The following WDR19 variants were observed in gnomAD, a reference collection of about 807,000 sequenced individuals.
WDR19 encodes WD repeat domain 19.
WDR19 carries 121 observed loss-of-function variants against 180.0 expected under a neutral mutation model. The ratio of observed to expected loss-of-function variants is 0.67; its 90% CI spans 0.58 to 0.78. The LOEUF is 0.78. Ranked by LOEUF, WDR19 falls within the 30% of genes least tolerant of loss-of-function variation. The probability of loss-of-function intolerance (pLI) is 0.00; values close to 1 mark genes in which losing one functional copy is unlikely to be tolerated. For missense variants in WDR19, 1,450 were observed against 1,640.7 expected (o/e 0.88, Z 2.01); for synonymous variants, 497 against 540.7 (o/e 0.92, Z 1.12).
intron 23 of WDR19, among the ~76,000 whole-genome samples, chr4:39,244,938 CTTT>C (rs72240523): frequency 2.6e-5 from 3 of 115,314 alleles, no homozygotes; most frequent in Non-Finnish European, 5.3e-5. Flanking sequence ...TTTTTTTTTT[CTTT>C]TTTTTTTTTT....
chr4:39,223,141 G>A (rs940191903), intron 14 of WDR19, among the ~76,000 whole-genome samples: 3 of 152,184 alleles, frequency 2.0e-5, no homozygotes, highest in Non-Finnish European at 4.4e-5. Context: ...TGACAGCCAA[G>A]TGGAGTTTCT....
chr4:39,205,534 T>C (rs747724288), intron 8 of WDR19, 29 bp from the exon 9 acceptor site: 1 of 1,596,452 alleles, frequency 6.3e-7, no homozygotes, highest in Non-Finnish European at 8.5e-7. Flanking sequence ...ATCTCCTTGT[T>C]TACCATATTG....
In WDR19 at chr4:39,285,653, C is replaced by CTGTT. The variant is rs796494253; in HGVS notation, c.*182_*185dup. 2.6e-5 allele frequency: 4 copies of CTGTT among 152,316 alleles called. No homozygotes were observed. The highest frequency in any genetic ancestry group is 9.6e-5 in the African/African-American group (4 of 41,562). The allele number at this position is 152,316 out of a possible 1,614,324, so 9.4% of individuals were successfully genotyped here. A position where few individuals can be genotyped will look rare whatever the true frequency, so the allele number is the denominator to read the frequency against. ...GGCAAAACGATGACATGTAACCTTG[C>CTGTT]TGTTTATTGTACTTTGTATATTATT... On this transcript the variant is annotated 3_prime_UTR_variant, in exon 37 of 37. Coordinates refer to ENST00000399820, the MANE Select transcript of WDR19 (RefSeq NM_025132.4).
At chr4:39,254,829 A>G (rs550304556) in intron 26 of WDR19, among the ~76,000 whole-genome samples, 72 of 152,260 alleles carry the variant, frequency 4.7e-4, no homozygotes, top group African/African-American at 1.6e-3. Context: ...TACTTTCTGT[A>G]TCTGTGAATT....
Position 39,278,613 on chromosome 4 carries a change from A to G in WDR19, c.3992A>G (p.Asp1331Gly). 1 of 1,613,658 alleles carries G rather than the reference A, an allele frequency of 6.2e-7. No individual in the cohort carries two copies. ...GCTGCTCAGCTGAAAAAGATTTCAG[A>G]CTGTACCCAGTACCTGCGAACGGAG... ...LNAAQLKKIS[D>G]CTQYLRTEEE... The change falls in exon 36 of 37, where the codon GAC becomes GGC. Residue 1331 changes from aspartate to glycine, a missense_variant. By Grantham distance (94) the Asp-to-Gly change is moderately conservative. Transcript: ENST00000399820.
chr4:39,239,520 A>G (rs1455149814), intron 20 of WDR19, among the ~76,000 whole-genome samples: 1 of 152,206 alleles, frequency 6.6e-6, no homozygotes, highest in East Asian at 1.9e-4. Flanking sequence ...AAAGTAGCCA[A>G]TAAAATTAAT....
At chr4:39,224,722 T>C (rs578094693) in intron 14 of WDR19, among the ~76,000 whole-genome samples, 162 bp from the exon 15 acceptor site, 75 of 152,150 alleles carry the variant, frequency 4.9e-4, no homozygotes, top group Non-Finnish European at 9.7e-4. Flanking sequence ...TTTTCTTGAG[T>C]CTGTACCTTT....
chr4:39,234,999 TATTA>T, intron 20 of WDR19, 124 bp downstream of exon 20: 1 of 589,958 alleles, frequency 1.7e-6, no homozygotes, highest in Non-Finnish European at 2.9e-6. Context: ...AAAAATACTG[TATTA>T]ATTATATATC....
At position 39,227,521 on chromosome 4, in the gene WDR19, C is replaced by G. The variant is rs1434856622; in HGVS notation, c.1630-689C>G. The stretch of plus-strand genomic sequence containing the variant: ...AGAAAACTTTTGTTGTCTATATTCC[C>G]CATACAGTATGACAACTATTTACAT... On this transcript the variant is annotated intron_variant, in intron 15 of 36. Coordinates refer to ENST00000399820, the MANE Select transcript of WDR19 (RefSeq NM_025132.4). Among the ~76,000 whole-genome samples the G allele has an allele frequency of 2.0e-5, 3 of 152,102 alleles. No individual in the cohort carries two copies. In the East Asian group the frequency reaches 5.8e-4, roughly 29 times the overall value.
At chr4:39,219,435 C>G (rs980201995) in intron 14 of WDR19, among the ~76,000 whole-genome samples, 1 of 152,154 alleles carries the variant, frequency 6.6e-6, no homozygotes, top group Non-Finnish European at 1.5e-5. Flanking sequence ...ATGACTGGTA[C>G]ATATATAGAA....
At position 39,224,970 on chromosome 4, in the gene WDR19, C is replaced by T. The variant is rs200692490; in HGVS notation, c.1566C>T (p.Pro522=). ...RHPVSVKKIF[P]DPNGTRLVFI... is the part of the protein sequence containing the mutation. ...CTGTCAGTGTGAAAAAGATTTTTCC[C>T]GACCCAAATGGGACCAGATTAGTTT... The change falls in exon 15 of 37, where the codon CCC becomes CCT. Residue 522 remains proline, a synonymous_variant. Coordinates refer to ENST00000399820, the MANE Select transcript of WDR19 (RefSeq NM_025132.4). The T allele has an allele frequency of 3.2e-4, 497 of 1,576,678 alleles. 1 individual carries two copies. Among genetic ancestry groups the T allele is most frequent in the Non-Finnish European group, 3.8e-4 (440 of 1,160,420 alleles).
At chr4:39,257,457 AT>A in intron 27 of WDR19, 28 bp from the exon 28 acceptor site, 1 of 1,555,128 alleles carries the variant, frequency 6.4e-7, no homozygotes, top group South Asian at 1.2e-5. Flanking sequence ...CATTCTGAAA[AT>A]TTTTAATTGC....
At chr4:39,213,870 A>C (rs1400845638) in intron 9 of WDR19, among the ~76,000 whole-genome samples, 1 of 152,206 alleles carries the variant, frequency 6.6e-6, no homozygotes, top group Non-Finnish European at 1.5e-5. Context: ...GAATCTCTCT[A>C]TCTCTCTATA....
intron 19 of WDR19, among the ~76,000 whole-genome samples, chr4:39,232,481 C>T (rs528324364): frequency 6.8e-4 from 104 of 152,028 alleles, no homozygotes; most frequent in Non-Finnish European, 1.1e-3. Context: ...AAAAATTAGC[C>T]GGACGTGGTG....
intron 1 of WDR19, among the ~76,000 whole-genome samples, chr4:39,185,321 T>C (rs1001852441): frequency 6.6e-6 from 1 of 152,234 alleles, no homozygotes; most frequent in Admixed American, 6.5e-5. Flanking sequence ...TTTTATCATG[T>C]TTAAGATAGC....
In WDR19 at chr4:39,220,151, G is replaced by C. The variant is rs79658757; in HGVS notation, c.1479+2046G>C. Among the ~76,000 whole-genome samples, 927 of 152,190 alleles carry C rather than the reference G, an allele frequency of 6.1e-3. 6 individuals are homozygous for C. The highest frequency in any genetic ancestry group is 0.022 in the African/African-American group (897 of 41,544). ...TGGGAAGATCACTTGAGCCCCAGGG[G>C]TGGGTTGCCAGTGAGCTGAGATCAC... On this transcript the variant is annotated intron_variant, in intron 14 of 36. Coordinates refer to ENST00000399820, the MANE Select transcript of WDR19 (RefSeq NM_025132.4).
At chr4:39,217,304 A>C in intron 13 of WDR19, 64 bp downstream of exon 13, 2 of 1,296,128 alleles carry the variant, frequency 1.5e-6, no homozygotes, top group Non-Finnish European at 2.2e-6. Context: ...ATGTCTGATT[A>C]TCAAGAATAT....
intron 24 of WDR19, among the ~76,000 whole-genome samples, chr4:39,250,027 G>C (rs1732981189): frequency 6.6e-6 from 1 of 152,098 alleles, no homozygotes; most frequent in Non-Finnish European, 1.5e-5. Flanking sequence ...CCAAAGCCTG[G>C]CAGAGACACA....
intron 36 of WDR19, among the ~76,000 whole-genome samples, chr4:39,279,700 CTTTTTT>C (rs3068583): frequency 3.0e-5 from 3 of 100,094 alleles, no homozygotes; most frequent in Admixed American, 2.1e-4. Context: ...GTCTGCCTTA[CTTTTTT>C]TTTTTTTTTT....
Sources: allele counts gnomAD v4.1 joint callset (sites outside exome capture counted in the v4.1 genomes callset), GRCh38; gene constraint gnomAD v4.1.1; transcripts MANE v1.5; gene names NCBI Gene and HGNC (gene_info 2026-07-23, HGNC 2026-07-21).